The following RAD51B variants were observed in gnomAD, a reference collection of about 807,000 sequenced individuals.
The protein encoded by RAD51B is RAD51 paralog B.
In RAD51B, 38 loss-of-function variants were observed where a neutral mutation model predicts 42.2. The observed-to-expected ratio is 0.90, with a 90% confidence interval of 0.70 to 1.18. The LOEUF is 1.18. Ranked by LOEUF, RAD51B falls within the 50% of genes most tolerant of loss-of-function variation. The probability of loss-of-function intolerance (pLI) is 0.00; values close to 1 mark genes in which losing one functional copy is unlikely to be tolerated. For synonymous variants in RAD51B, 154 were observed against 145.2 expected, an observed-to-expected ratio of 1.06 and a Z score of -0.43; for missense variants, 373 against 400.7, an observed-to-expected ratio of 0.93 and a Z score of 0.59.
intron 7 of RAD51B, among the ~76,000 whole-genome samples, chr14:68,131,739 C>T (rs1595445260): frequency 6.6e-6 from 1 of 151,994 alleles, no homozygotes; most frequent in African/African-American, 2.4e-5. Context: ...CTTCCTATCG[C>T]TCTCTGTTCT....
intron 7 of RAD51B, among the ~76,000 whole-genome samples, chr14:68,255,325 A>G (rs1346214965): frequency 3.3e-5 from 5 of 152,256 alleles, no homozygotes; most frequent in African/African-American, 9.6e-5. Context: ...TTTGTCAAAG[A>G]TAAACATAAG....
At position 67,932,227 on chromosome 14, in the gene RAD51B, G is replaced by A. The variant is rs143883105; in HGVS notation, c.756+45023G>A. On this transcript the variant is annotated intron_variant, in intron 7 of 10. Transcript: ENST00000471583. ...CCTGCTTTTGGATTTTCTTTCATAG[G>A]AGATGTATCAATGGTGCTAGTTGGG... Among the ~76,000 whole-genome samples, 405 of 152,316 alleles carry A rather than the reference G, an allele frequency of 2.7e-3. 1 individual carries two copies. The highest frequency in any genetic ancestry group is 4.6e-3 in the Non-Finnish European group (315 of 68,024).
intron 11 of RAD51B, among the ~76,000 whole-genome samples, chr14:68,669,431 C>T (rs564811115): frequency 6.6e-6 from 1 of 152,300 alleles, no homozygotes; most frequent in East Asian, 1.9e-4. Flanking sequence ...CCAAACCAGC[C>T]CAGCCAGCCC....
At chr14:67,999,342 T>C (rs146521551) in intron 7 of RAD51B, among the ~76,000 whole-genome samples, 321 of 152,266 alleles carry the variant, frequency 2.1e-3, no homozygotes, top group Middle Eastern at 6.8e-3. Flanking sequence ...TTTCTTCACA[T>C]GATTTCAGGC....
intron 7 of RAD51B, among the ~76,000 whole-genome samples, chr14:67,893,762 G>C (rs180864702): frequency 6.6e-6 from 1 of 152,132 alleles, no homozygotes; most frequent in Non-Finnish European, 1.5e-5. Flanking sequence ...TAGTCATAAA[G>C]AAATGGCACT....
intron 9 of RAD51B, among the ~76,000 whole-genome samples, chr14:68,455,344 T>A (rs1379023398): frequency 6.6e-6 from 1 of 152,126 alleles, no homozygotes; most frequent in Non-Finnish European, 1.5e-5. Flanking sequence ...GAGAAACACC[T>A]GCCATACAGA....
At chr14:68,598,416 GT>G (rs1891088546), downstream of RAD51B, among the ~76,000 whole-genome samples, 2 of 152,228 alleles carry the variant, frequency 1.3e-5, no homozygotes, top group Admixed American at 1.3e-4. Context: ...AGAAATCACA[GT>G]ATAACCATTG....
intron 7 of RAD51B, among the ~76,000 whole-genome samples, chr14:67,946,521 C>G (rs2045398754): frequency 6.6e-6 from 1 of 152,168 alleles, no homozygotes; most frequent in Non-Finnish European, 1.5e-5. Flanking sequence ...GCACTCGCCA[C>G]CATGCCCAGC....
intron 9 of RAD51B, among the ~76,000 whole-genome samples, chr14:68,441,899 A>C (rs2085305322): frequency 6.6e-6 from 1 of 152,212 alleles, no homozygotes; most frequent in Non-Finnish European, 1.5e-5. Context: ...AAACCATAGG[A>C]TATAACCCTA....
At chr14:68,593,348 ATGATGGGCTCTC>A (rs1330163451) in intron 10 of RAD51B, among the ~76,000 whole-genome samples, 3 of 152,388 alleles carry the variant, frequency 2.0e-5, no homozygotes, top group East Asian at 3.9e-4. Context: ...GGCCAGGCCC[ATGATGGGCTCTC>A]TGGTGGGCTC....
Position 68,470,828 on chromosome 14 carries a change from C to G in RAD51B, c.1036+2578C>G, listed in dbSNP as rs1594885373. 18 of 395,806 alleles carry G rather than the reference C, an allele frequency of 4.5e-5. 1 individual carries two copies. The highest frequency in any genetic ancestry group is 4.5e-4 in the South Asian group (17 of 37,454). 24.5% of individuals were successfully genotyped at this position (395,806 alleles called of 1,614,324 possible). A position where few individuals can be genotyped will look rare whatever the true frequency, so the allele number is the denominator to read the frequency against. ...AACCATCCTGCGGGATCTCTAACAG[C>G]CTTGTCACATCAGCTTTGTCCGATC... On this transcript the variant is annotated intron_variant, in intron 10 of 10. Transcript: ENST00000471583.
At chr14:67,951,977 A>G (rs2074460520) in intron 7 of RAD51B, among the ~76,000 whole-genome samples, 1 of 143,532 alleles carries the variant, frequency 7.0e-6, no homozygotes, top group Non-Finnish European at 1.5e-5. Context: ...AAATGCTATT[A>G]GAACCATCAA....
At chr14:67,896,001 T>A (rs1004350543) in intron 7 of RAD51B, among the ~76,000 whole-genome samples, 15 of 152,250 alleles carry the variant, frequency 9.9e-5, no homozygotes, top group African/African-American at 3.6e-4. Context: ...ATTGGAACTT[T>A]AATTATGTAT....
chr14:68,281,456 TTAAC>T (rs2081318079), intron 7 of RAD51B, among the ~76,000 whole-genome samples: 1 of 152,182 alleles, frequency 6.6e-6, no homozygotes, highest in South Asian at 2.1e-4. Flanking sequence ...CACAGAGACA[TTAAC>T]TAATCTACCT....
At chr14:68,611,510 C>T in exon 11 of RAD51B, 1 of 503,460 alleles carries the variant, frequency 2.0e-6, no homozygotes, top group Admixed American at 3.4e-5. Context: ...CTCCTTGCAG[C>T]ATCTCTATTG....
intron 7 of RAD51B, among the ~76,000 whole-genome samples, chr14:68,002,276 T>A (rs2075499180): frequency 6.6e-6 from 1 of 152,228 alleles, no homozygotes; most frequent in Non-Finnish European, 1.5e-5. Flanking sequence ...GATTTGCATT[T>A]CTCCAATGAT....
intron 10 of RAD51B, among the ~76,000 whole-genome samples, chr14:68,551,662 C>A (rs909771851): frequency 6.6e-6 from 1 of 152,240 alleles, no homozygotes; most frequent in Admixed American, 6.5e-5. Flanking sequence ...CTTATTTACA[C>A]CTCAGCACCT....
chr14:68,139,925 G>A (rs866910310), intron 7 of RAD51B, among the ~76,000 whole-genome samples: 43 of 152,232 alleles, frequency 2.8e-4, no homozygotes, highest in Middle Eastern at 3.4e-3. Context: ...GGTTTGAAAC[G>A]TTGAAAGCCA....
intron 7 of RAD51B, among the ~76,000 whole-genome samples, chr14:67,930,177 AT>A (rs1036516176): frequency 1.3e-5 from 2 of 152,146 alleles, no homozygotes; most frequent in Non-Finnish European, 2.9e-5. Flanking sequence ...GGAGAATTTA[AT>A]CCATTAATAT....
Sources: allele counts gnomAD v4.1 joint callset (sites outside exome capture counted in the v4.1 genomes callset), GRCh38; gene constraint gnomAD v4.1.1; transcripts MANE v1.5; gene names NCBI Gene and HGNC (gene_info 2026-07-23, HGNC 2026-07-21).